The following FAT2 variants were observed in gnomAD, a reference collection of about 807,000 sequenced individuals.
FAT2 encodes protocadherin Fat 2.
FAT2 carries 150 observed loss-of-function variants against 295.3 expected under a neutral mutation model. That is an observed-to-expected ratio of 0.51 (90% CI 0.44 to 0.58). FAT2 has a LOEUF of 0.58. Ranked by LOEUF, FAT2 falls within the 20% of genes least tolerant of loss-of-function variation. The pLI is 0.00. For synonymous variants in FAT2, 2,026 were observed against 2,150.3 expected (o/e 0.94, Z 1.60); for missense variants, 4,868 against 5,442.7 (o/e 0.89, Z 3.32).
In FAT2 at chr5:151,566,004, C is replaced by T. The variant is rs765176238; in HGVS notation, c.2928G>A (p.Leu976=). ...TCTCCAGAATGAGCGCCCCTGTCATCAGGTCCACCCGGAAGGTCCCATGGG... is the reference window on the plus strand; with the variant it reads ...TCTCCAGAATGAGCGCCCCTGTCATTAGGTCCACCCGGAAGGTCCCATGGG... ...DGAHGTFRVD[L]MTGALILERE... Residue 976 remains leucine, a synonymous_variant, in exon 2 of 24, where the codon CTG becomes CTA. Coordinates refer to ENST00000261800, the MANE Select transcript of FAT2 (RefSeq NM_001447.3). The T allele has an allele frequency of 2.5e-6, 4 of 1,614,036 alleles. No homozygotes were observed. In the South Asian group the frequency reaches 4.4e-5, roughly 18 times the overall value.
At position 151,512,614 on chromosome 5, in the gene FAT2, G is replaced by C. The variant is rs756222270; in HGVS notation, c.11464-8C>G. On this transcript the variant is annotated splice_polypyrimidine_tract_variant and splice_region_variant and intron_variant, in intron 20 of 23. Transcript: ENST00000261800. This position sits in a 1 kb window ranked among gnomAD's most constrained non-coding sequence, Gnocchi z 4.1. ...GGGCACTCCACTGGCCAGCTGCAAA[G>C]GAAATCCAAACAGCCATCAGCAAAG... 5.0e-6 allele frequency: 8 copies of C among 1,587,832 alleles called. 1 individual carries two copies. The East Asian group carries it at 6.9e-5, about 14-fold the overall frequency.
chr5:151,544,319 G>A lies in FAT2; in HGVS notation c.6808C>T (p.Pro2270Ser). Residue 2270 changes from proline to serine, a missense_variant, in exon 10 of 24, where the codon CCC (proline) becomes TCC (serine). Around this residue, in one of 5 missense-constraint regions of FAT2, gnomAD observed 3,297 missense variants for 3,669.4 expected, o/e 0.90. Transcript: ENST00000261800. ...GTATAGACCAATTGGGAAAAAGTGG[G>A]AGGGTTATCATTGACATCCTCCACT... The part of the protein sequence containing the change: ...VLVEDVNDNP[P>S]TFSQLVYTTS... 6.2e-7 allele frequency: 1 copy of A among 1,614,216 alleles called. No homozygotes were observed. Among genetic ancestry groups the A allele is most frequent in the South Asian group, 1.1e-5 (1 of 91,092 alleles).
At position 151,568,681 on chromosome 5, in the gene FAT2, GT is replaced by G; in HGVS notation, c.250del (p.Thr84LeufsTer12). The G allele has an allele frequency of 6.2e-7, 1 of 1,614,164 alleles. No individual in the cohort carries two copies. Among genetic ancestry groups the G allele is most frequent in the South Asian group, 1.1e-5 (1 of 91,082 alleles). Reference protein sequence around the residue: ...ISGDVANVFKTEEYVVGNFCF... With the variant: ...ISGDVANVFKXEEYVVGNFCF... ...GAAGTTGCCCACCACATACTCCTCA[GT>G]TTTAAATACATTGGCCACATCCCCA... is the stretch of plus-strand genomic sequence containing the variant. On this transcript the variant is annotated frameshift_variant, in exon 2 of 24. Transcript: ENST00000261800. LOFTEE classifies it high-confidence loss of function.
intron 1 of FAT2, among the ~76,000 whole-genome samples, chr5:151,569,789 A>G (rs1045548406): frequency 2.0e-5 from 3 of 152,192 alleles, no homozygotes; most frequent in Admixed American, 1.3e-4. Flanking sequence ...CCTTCCTACA[A>G]GGCCTTTCCA....
intron 21 of FAT2, chr5:151,510,441 C>T (rs1030485421): frequency 8.9e-6 from 3 of 336,760 alleles, no homozygotes; most frequent in South Asian, 9.3e-5. Flanking sequence ...TAGACACTAA[C>T]TTAGTGCTAG....
chr5:151,531,926 C>T lies in FAT2; in HGVS notation c.9472G>A (p.Gly3158Ser), dbSNP rs2127591903. 1.9e-6 allele frequency: 3 copies of T among 1,614,226 alleles called. No individual in the cohort carries two copies. The South Asian group carries it at 3.3e-5, about 18-fold the overall frequency. ...GTGGTGGCGTCGATGGAAAAGTGGC[C>T]TTCGGCTGAATCCGGCAGAGAGTAA... is the stretch of plus-strand genomic sequence containing the variant. Reference protein sequence around the residue: ...VVYSLPDSAEGHFSIDATTGV... With the variant: ...VVYSLPDSAESHFSIDATTGV... The change falls in exon 14 of 24, where the codon GGC (glycine) becomes AGC (serine). Residue 3158 changes from glycine to serine, a missense_variant. Coordinates refer to ENST00000261800, the MANE Select transcript of FAT2 (RefSeq NM_001447.3). This position sits in a 1 kb window ranked among gnomAD's most constrained non-coding sequence, Gnocchi z 5.7.
Position 151,544,908 on chromosome 5 carries a change from C to A in FAT2, c.6219G>T (p.Leu2073=), listed in dbSNP as rs1756475680. 1 of 1,613,980 alleles carries A rather than the reference C, an allele frequency of 6.2e-7. No homozygotes were observed. Among genetic ancestry groups the A allele is most frequent in the South Asian group, 1.1e-5 (1 of 91,078 alleles). ...CATCTTGGATGATTGTGTAATAGGG[C>A]AGATGCTTAAATTTGGGGGGATTGT... ...VNDNPPKFKH[L]PYYTIIQDGT... Residue 2073 remains leucine, a synonymous_variant, in exon 10 of 24, where the codon CTG becomes CTT. Transcript: ENST00000261800.
In FAT2 at chr5:151,566,125, T is replaced by C. The variant is rs2127645326; in HGVS notation, c.2807A>G (p.Glu936Gly). ...ITEHNRLKVP[E>G]DLPPGTVLTF... is the part of the protein sequence containing the mutation. ...CAAGACAGTCCCGGGGGGCAGGTCCTCTGGAACCTTCAGCCTGTTGTGTTC... is the reference window on the plus strand; with the variant it reads ...CAAGACAGTCCCGGGGGGCAGGTCCCCTGGAACCTTCAGCCTGTTGTGTTC... Residue 936 changes from glutamate (E) to glycine (G), a missense_variant, in exon 2 of 24, where the codon GAG becomes GGG. This residue lies in a region of FAT2 where 3,297 missense variants were observed against 3,669.4 expected (regional missense o/e 0.90). Transcript: ENST00000261800. 1 of 1,614,152 alleles carries C rather than the reference T, an allele frequency of 6.2e-7. No individual in the cohort carries two copies. The highest frequency in any genetic ancestry group is 8.5e-7 in the Non-Finnish European group (1 of 1,180,004).
chr5:151,561,086 C>T lies in FAT2; in HGVS notation c.3574+2239G>A, dbSNP rs796935469. The stretch of plus-strand genomic sequence containing the variant: ...ATATAACGTCCTGTATGATAAATGT[C>T]GCAAAAAGGAGTAGGTGGTGCTGGA... On this transcript the variant is annotated intron_variant, in intron 3 of 23. Transcript: ENST00000261800. Among the ~76,000 whole-genome samples the T allele has an allele frequency of 7.9e-5, 12 of 152,180 alleles. No homozygotes were observed. In the South Asian group the frequency reaches 1.0e-3, roughly 13 times the overall value.
At chr5:151,532,003 G>A (rs752542820) in intron 13 of FAT2, 33 bp from the exon 14 acceptor site, 5 of 1,608,570 alleles carry the variant, frequency 3.1e-6, no homozygotes, top group African/African-American at 1.3e-5. Flanking sequence ...GATCCACACT[G>A]AGGGCGCCTC....
At position 151,553,228 on chromosome 5, in the gene FAT2, C is replaced by T. The variant is rs1335333960; in HGVS notation, c.4105G>A (p.Gly1369Arg). Residue 1369 changes from glycine to arginine, a missense_variant, in exon 6 of 24, where the codon GGG (glycine) becomes AGG (arginine). By Grantham distance (125) the Gly-to-Arg change is moderately radical. Coordinates refer to ENST00000261800, the MANE Select transcript of FAT2 (RefSeq NM_001447.3). ...METDPVNHMVGVISVEGRPGL... is the reference protein window; with the variant it reads ...METDPVNHMVRVISVEGRPGL... ...GGTCTGCCCTCTACGCTGATGACCCCCACCATGTGGTTCACAGGGTCCGTC... is the reference window on the plus strand; with the variant it reads ...GGTCTGCCCTCTACGCTGATGACCCTCACCATGTGGTTCACAGGGTCCGTC... 1 of 1,614,242 alleles carries T rather than the reference C, an allele frequency of 6.2e-7. No individual in the cohort carries two copies. The highest frequency in any genetic ancestry group is 8.5e-7 in the Non-Finnish European group (1 of 1,180,034).
chr5:151,565,602 A>T, intron 2 of FAT2, 71 bp downstream of exon 2: 1 of 1,449,268 alleles, frequency 6.9e-7, no homozygotes, highest in African/African-American at 1.4e-5. Flanking sequence ...TTCAGCCCGC[A>T]GGCTGACTTC....
chr5:151,578,990 G>A (rs940851860), intron 1 of FAT2, among the ~76,000 whole-genome samples: 1 of 152,198 alleles, frequency 6.6e-6, no homozygotes, highest in African/African-American at 2.4e-5. Flanking sequence ...TGGGGTGAGG[G>A]TGGGGATTGG....
rs138913417 is a variant in FAT2 at position 151,563,500 on chromosome 5, G to T, written c.3399C>A (p.Asn1133Lys). 2.7e-3 allele frequency: 4,389 copies of T among 1,614,152 alleles called. 11 individuals are homozygous for T. Among genetic ancestry groups the T allele is most frequent in the Non-Finnish European group, 3.6e-3 (4,204 of 1,180,030 alleles). ...VYIEVTDAND[N>K]PPQMSQAVFY... is the part of the protein sequence containing the mutation. ...ACACAGCTTGGGACATCTGGGGTGG[G>T]TTGTCATTGGCATCCGTAACCTCGA... The change falls in exon 3 of 24, where the codon AAC (asparagine) becomes AAA (lysine). Residue 1133 changes from asparagine (N) to lysine (K), a missense_variant. Asn to Lys is a moderately conservative substitution (Grantham distance 94). Coordinates refer to ENST00000261800, the MANE Select transcript of FAT2 (RefSeq NM_001447.3).
chr5:151,557,906 A>G (rs1757840491), intron 3 of FAT2, among the ~76,000 whole-genome samples: 2 of 152,076 alleles, frequency 1.3e-5, no homozygotes, highest in Admixed American at 6.6e-5. Context: ...TTCCCCTCCT[A>G]TGGCCCTGCC....
upstream of FAT2, among the ~76,000 whole-genome samples, chr5:151,592,256 C>T (rs929488319): frequency 1.6e-4 from 24 of 152,198 alleles, no homozygotes; most frequent in African/African-American, 3.1e-4. Flanking sequence ...CCTGCTGCCA[C>T]GTTTTTAGTT....
chr5:151,533,321 A>G (rs1369690626), intron 13 of FAT2, among the ~76,000 whole-genome samples: 6 of 151,778 alleles, frequency 4.0e-5, no homozygotes, highest in Admixed American at 2.6e-4. Flanking sequence ...GCTCTGATGT[A>G]TTCCAGATCT....
chr5:151,537,834 T>C lies in FAT2; in HGVS notation c.9152A>G (p.His3051Arg). 1 of 1,614,102 alleles carries C rather than the reference T, an allele frequency of 6.2e-7. No homozygotes were observed. Among genetic ancestry groups the C allele is most frequent in the East Asian group, 2.2e-5 (1 of 44,890 alleles). ...DTNAQITYSL[H>R]GPGAHEFKLD... ...CTTGAATTCATGCGCCCCAGGGCCA[T>C]GCAGAGAATATGTGATCTGAGCATT... Residue 3051 changes from histidine to arginine, a missense_variant, in exon 12 of 24, where the codon CAT (histidine) becomes CGT (arginine). Physicochemically the swap from His to Arg is conservative, Grantham distance 29. Coordinates refer to ENST00000261800, the MANE Select transcript of FAT2 (RefSeq NM_001447.3).
intron 1 of FAT2, among the ~76,000 whole-genome samples, chr5:151,580,475 C>T (rs1758904021): frequency 6.6e-6 from 1 of 152,164 alleles, no homozygotes; most frequent in South Asian, 2.1e-4. Context: ...GTTGTTATTA[C>T]CATTGCAGTA....
Sources: allele counts gnomAD v4.1 joint callset (sites outside exome capture counted in the v4.1 genomes callset), GRCh38; gene constraint gnomAD v4.1.1; regional missense constraint gnomAD v4.1.1; non-coding constraint Gnocchi (gnomAD v3.1); transcripts MANE v1.5; gene names NCBI Gene and HGNC (gene_info 2026-07-23, HGNC 2026-07-21).